MPPE1: variants seen among roughly 807,000 people sequenced by gnomAD.
The protein encoded by MPPE1 is metallophosphoesterase 1, also known as metallo phosphoesterase.
In MPPE1, 28 loss-of-function variants were observed where a neutral mutation model predicts 43.8. That is an observed-to-expected ratio of 0.64 (90% CI 0.47 to 0.88). MPPE1 has a LOEUF of 0.88. MPPE1 is among the 40% of genes least tolerant of loss of function. The pLI, the probability that MPPE1 is intolerant of heterozygous loss-of-function variation, is 0.00. For synonymous variants in MPPE1, 159 were observed against 188.5 expected, an observed-to-expected ratio of 0.84 and a Z score of 1.28; for missense variants, 428 against 492.2, an observed-to-expected ratio of 0.87 and a Z score of 1.23.
At chr18:11,905,830 C>T (rs914028441) in intron 2 of MPPE1, 1 of 152,152 alleles carries the variant, frequency 6.6e-6, no homozygotes, top group African/African-American at 2.4e-5. Flanking sequence ...CTGTGAATAC[C>T]ACCAGCAGAG....
At chr18:11,895,060 T>C (rs2038445364) in intron 3 of MPPE1, 1 of 152,274 alleles carries the variant, frequency 6.6e-6, no homozygotes. Flanking sequence ...GTCATTTTTC[T>C]AAGGAATCCA....
chr18:11,905,653 C>T (rs903829956), intron 2 of MPPE1: 1 of 152,250 alleles, frequency 6.6e-6, no homozygotes, highest in African/African-American at 2.4e-5. Flanking sequence ...TTTCTGCCTC[C>T]CCATTTTCTG....
chr18:11,897,469 C>T, intron 2 of MPPE1, 113 bp from the exon 3 acceptor site: 3 of 549,654 alleles, frequency 5.5e-6, no homozygotes, highest in East Asian at 3.0e-5. Context: ...CCAAATTAAT[C>T]GTCTTATACT....
chr18:11,886,326 G>A lies in MPPE1; in HGVS notation c.867+173C>T. On this transcript the variant is annotated intron_variant, in intron 9 of 10. Coordinates refer to ENST00000588072, the MANE Select transcript of MPPE1 (RefSeq NM_023075.6). This position sits in a 1 kb window ranked among gnomAD's most constrained non-coding sequence, Gnocchi z 4.1. ...CTGGAAAAAAAAAAAGCGATTAAAT[G>A]AAAATCTGAGATACTGTGAAAGCCA... is the stretch of plus-strand genomic sequence containing the variant. 1 of 840,786 alleles carries A rather than the reference G, an allele frequency of 1.2e-6. No individual in the cohort carries two copies. The highest frequency in any genetic ancestry group is 1.5e-5 in the South Asian group (1 of 66,418). 52.1% of individuals were successfully genotyped at this position (840,786 alleles called of 1,614,324 possible). A position where few individuals can be genotyped will look rare whatever the true frequency, so the allele number is the denominator to read the frequency against.
At chr18:11,903,535 G>T (rs189481902) in intron 2 of MPPE1, among the ~76,000 whole-genome samples, 1 of 152,038 alleles carries the variant, frequency 6.6e-6, no homozygotes. Context: ...GGCTGGGCAC[G>T]GTGGCTCACG....
intron 1 of MPPE1, among the ~76,000 whole-genome samples, chr18:11,906,684 CG>C (rs2039744447): frequency 6.6e-6 from 1 of 151,732 alleles, no homozygotes; most frequent in Non-Finnish European, 1.5e-5. Context: ...GGAGAAACCC[CG>C]TCTCTACTAA....
intron 3 of MPPE1, among the ~76,000 whole-genome samples, chr18:11,894,489 T>A (rs2038372501): frequency 6.6e-6 from 1 of 151,226 alleles, no homozygotes; most frequent in African/African-American, 2.4e-5. Context: ...AGATGATGGC[T>A]TAACATCCCA....
At chr18:11,898,029 G>C (rs143941624) in intron 2 of MPPE1, among the ~76,000 whole-genome samples, 3,817 of 151,964 alleles carry the variant, frequency 0.025, 103 homozygotes, top group East Asian at 0.074. Context: ...GCTAACTTTG[G>C]GAGAAATTTG....
chr18:11,884,422 A>C lies in MPPE1; in HGVS notation c.*23T>G, dbSNP rs201396878. The stretch of plus-strand genomic sequence containing the variant: ...CCAAAGTTCCATTTCTTGGGCTTTG[A>C]TATTTATAATGGCGCCTGCTCTTCA... On this transcript the variant is annotated 3_prime_UTR_variant, in exon 11 of 11. Coordinates refer to ENST00000588072, the MANE Select transcript of MPPE1 (RefSeq NM_023075.6). 1 of 1,607,616 alleles carries C rather than the reference A, an allele frequency of 6.2e-7. No homozygotes were observed. The highest frequency in any genetic ancestry group is 2.2e-5 in the East Asian group (1 of 44,736).
Position 11,884,533 on chromosome 18 carries a change from A to G in MPPE1, c.1103T>C (p.Leu368Pro). 1 of 1,614,102 alleles carries G rather than the reference A, an allele frequency of 6.2e-7. No homozygotes were observed. Among genetic ancestry groups the G allele is most frequent in the Non-Finnish European group, 8.5e-7 (1 of 1,180,008 alleles). ...AAAGTGAGTGAGTGTGAGGACCACA[A>G]GGAAGCCCACCACTCCACAGTAGAT... ...LIIYCGVVGF[L>P]VVLTLTHFGL... Residue 368 changes from leucine (L) to proline (P), a missense_variant, in exon 11 of 11, where the codon CTT (leucine) becomes CCT (proline). Coordinates refer to ENST00000588072, the MANE Select transcript of MPPE1 (RefSeq NM_023075.6).
chr18:11,890,796 C>A (rs1476864767), intron 4 of MPPE1, among the ~76,000 whole-genome samples: 3 of 152,174 alleles, frequency 2.0e-5, no homozygotes, highest in Non-Finnish European at 4.4e-5. Context: ...CCAGTAAGTT[C>A]TTCATGTGTC....
chr18:11,894,899 A>G (rs1334253201), intron 3 of MPPE1, among the ~76,000 whole-genome samples: 2 of 152,110 alleles, frequency 1.3e-5, no homozygotes, highest in Non-Finnish European at 2.9e-5. Context: ...CCGGCCGGTA[A>G]ATGGGGATTT....
intron 1 of MPPE1, among the ~76,000 whole-genome samples, chr18:11,906,910 A>G (rs1322378504): frequency 6.6e-6 from 1 of 151,782 alleles, no homozygotes; most frequent in Non-Finnish European, 1.5e-5. Flanking sequence ...TTATTTATTT[A>G]TTTATTTTTA....
At chr18:11,894,165 A>G (rs905154089) in intron 3 of MPPE1, among the ~76,000 whole-genome samples, 1 of 152,260 alleles carries the variant, frequency 6.6e-6, no homozygotes, top group East Asian at 1.9e-4. Flanking sequence ...ATGGTGGCTC[A>G]TGCCTGTAAT....
At position 11,885,402 on chromosome 18, in the gene MPPE1, G is replaced by A. The variant is rs2037053584; in HGVS notation, c.1008+274C>T. ...TTAGAAAATTAAACACACACAGAGT[G>A]TAAGAGGAGAGGATACGGCCCTCCC... On this transcript the variant is annotated intron_variant, in intron 10 of 10. Transcript: ENST00000588072. 3.0e-5 allele frequency: 14 copies of A among 462,678 alleles called. No homozygotes were observed. In the South Asian group the frequency reaches 3.6e-4, roughly 12 times the overall value. The allele number at this position is 462,678 out of a possible 1,614,324, so 28.7% of individuals were successfully genotyped here. A position where few individuals can be genotyped will look rare whatever the true frequency, so the allele number is the denominator to read the frequency against.
rs866779433 is a variant in MPPE1 at position 11,889,607 on chromosome 18, G to A, written c.391-117C>T. ...TGAGACGAGTCTGGCTCTGTCTCCA[G>A]GCTGAAGTGCAGTGGTGCGATCTCT... On this transcript the variant is annotated intron_variant, in intron 4 of 10. Coordinates refer to ENST00000588072, the MANE Select transcript of MPPE1 (RefSeq NM_023075.6). 80 of 649,088 alleles carry A rather than the reference G, an allele frequency of 1.2e-4. 2 individuals carry two copies. In the Middle Eastern group the frequency reaches 5.1e-3, roughly 41 times the overall value. The allele number at this position is 649,088 out of a possible 1,614,324, so 40.2% of individuals were successfully genotyped here.
At chr18:11,905,564 C>G (rs1011435641) in intron 2 of MPPE1, 1 of 152,144 alleles carries the variant, frequency 6.6e-6, no homozygotes, top group African/African-American at 2.4e-5. Context: ...TCACTCCTAC[C>G]GGACGGCTTG....
At chr18:11,887,133 C>G in intron 6 of MPPE1, 108 bp from the exon 7 acceptor site, 1 of 727,814 alleles carries the variant, frequency 1.4e-6, no homozygotes, top group Admixed American at 3.1e-5. Context: ...GAAACAAGCC[C>G]AGAGCAGCTT....
Position 11,896,990 on chromosome 18 carries a change from A to G in MPPE1, c.275T>C (p.Leu92Ser). Residue 92 changes from leucine to serine, a missense_variant, in exon 3 of 11, where the codon TTA becomes TCA. By Grantham distance (145) the Leu-to-Ser change is moderately radical. This residue lies in a region of MPPE1 where 379 missense variants were observed against 402.5 expected (regional missense o/e 0.94). Transcript: ENST00000588072. ...GEFLGHWLDK[L>S]RREWQMERAF... ...TCCTGATTTTACCTCTTACCTTCGT[A>G]ATTTGTCCAGCCAGTGGCCTAGGAA... is the stretch of plus-strand genomic sequence containing the variant. 6.2e-7 allele frequency: 1 copy of G among 1,606,594 alleles called. No homozygotes were observed. The highest frequency in any genetic ancestry group is 8.5e-7 in the Non-Finnish European group (1 of 1,175,176).
Sources: gnomAD v4.1 joint callset for allele counts (sites outside exome capture counted in the v4.1 genomes callset) on GRCh38, gnomAD v4.1.1 for gene constraint, gnomAD v4.1.1 regional missense constraint, Gnocchi (gnomAD v3.1) non-coding constraint, MANE v1.5 for transcripts, NCBI Gene and HGNC (gene_info 2026-07-23, HGNC 2026-07-21) for gene names.